Variants in PUM1 observed in about 807,000 individuals in gnomAD.
PUM1 encodes pumilio homolog 1.
PUM1 carries 13 observed loss-of-function variants against 131.8 expected under a neutral mutation model. The ratio of observed to expected loss-of-function variants is 0.10; its 90% confidence interval spans 0.06 to 0.16. PUM1 has a LOEUF of 0.16. Ranked by LOEUF, PUM1 falls within the 10% of genes least tolerant of loss-of-function variation. PUM1 has a pLI of 1.00. For synonymous variants in PUM1, 509 were observed against 556.5 expected (o/e 0.91, Z 1.20); for missense variants, 961 against 1,512.4 (o/e 0.64, Z 6.05).
chr1:30,944,071 T>G lies in PUM1; in HGVS notation c.2994+1275A>C, dbSNP rs141676939. Among the ~76,000 whole-genome samples, 454 of 152,334 alleles carry G rather than the reference T, an allele frequency of 3.0e-3. 2 individuals are homozygous for G. The highest frequency in any genetic ancestry group is 0.01 in the African/African-American group (424 of 41,576). ...TTATCGTTTTATCTTTTTTGTTGTA[T>G]AATTCCATAAATGTAACATCTTAAT... On this transcript the variant is annotated intron_variant, in intron 18 of 21. Transcript: ENST00000426105.
intron 2 of PUM1, among the ~76,000 whole-genome samples, chr1:31,043,581 T>G (rs1266257837): frequency 2.0e-5 from 3 of 152,244 alleles, no homozygotes; most frequent in African/African-American, 7.2e-5. Flanking sequence ...ACTGTCCCCT[T>G]GTTAAAATTC....
chr1:31,031,345 T>G (rs1480181885), intron 2 of PUM1, among the ~76,000 whole-genome samples: 1 of 152,214 alleles, frequency 6.6e-6, no homozygotes, highest in Non-Finnish European at 1.5e-5. Flanking sequence ...AAATTCTATT[T>G]ATATGTCCCA....
intron 2 of PUM1, among the ~76,000 whole-genome samples, chr1:31,034,408 G>A (rs1165914606): frequency 1.3e-5 from 2 of 152,182 alleles, no homozygotes; most frequent in Admixed American, 6.5e-5. Context: ...GGAGGCTGAG[G>A]TGGACAGTTT....
At chr1:31,021,537 AC>A (rs1405233454) in intron 3 of PUM1, among the ~76,000 whole-genome samples, 2 of 152,130 alleles carry the variant, frequency 1.3e-5, no homozygotes, top group African/African-American at 4.8e-5. Flanking sequence ...CCCTCAACAA[AC>A]TTTTGTATGA....
intron 3 of PUM1, among the ~76,000 whole-genome samples, chr1:31,018,290 A>T (rs1642895255): frequency 6.6e-6 from 1 of 152,022 alleles, no homozygotes; most frequent in Non-Finnish European, 1.5e-5. Flanking sequence ...TGGAGGTTGC[A>T]GTGAGCCGAG....
chr1:31,027,353 G>T (rs576989602), intron 3 of PUM1, among the ~76,000 whole-genome samples: 1 of 152,196 alleles, frequency 6.6e-6, no homozygotes, highest in African/African-American at 2.4e-5. Context: ...AATTATAGGA[G>T]TAAGAAAGAC....
At chr1:31,042,711 A>G (rs1314658911) in intron 2 of PUM1, among the ~76,000 whole-genome samples, 1 of 152,242 alleles carries the variant, frequency 6.6e-6, no homozygotes, top group Non-Finnish European at 1.5e-5. Context: ...ACTTTGCAGT[A>G]CTTTCTTCCA....
chr1:30,976,182 A>T (rs984427109), intron 9 of PUM1, among the ~76,000 whole-genome samples: 4 of 152,200 alleles, frequency 2.6e-5, no homozygotes, highest in African/African-American at 9.7e-5. Flanking sequence ...CGGCCACATA[A>T]AGTACACAAC....
intron 14 of PUM1, among the ~76,000 whole-genome samples, chr1:30,961,863 A>G (rs1640422043): frequency 6.6e-6 from 1 of 152,226 alleles, no homozygotes; most frequent in Admixed American, 6.5e-5. Flanking sequence ...CAACACAATG[A>G]ATATAAAATG....
intron 2 of PUM1, among the ~76,000 whole-genome samples, chr1:31,038,984 A>ATATATATATATATATTTTTTTTTG: frequency 2.0e-5 from 1 of 49,422 alleles, no homozygotes; most frequent in African/African-American, 2.1e-4. Context: ...ATATATATAT[A>ATATATATATATATATTTTTTTTTG]TTTTTTTTTT....
At chr1:30,999,944 T>G (rs543781684) in intron 5 of PUM1, among the ~76,000 whole-genome samples, 1 of 152,220 alleles carries the variant, frequency 6.6e-6, no homozygotes, top group South Asian at 2.1e-4. Context: ...ACGGCCAATA[T>G]GGCCCTCCCA....
chr1:31,003,378 G>C (rs1642284527), intron 5 of PUM1, among the ~76,000 whole-genome samples: 1 of 152,216 alleles, frequency 6.6e-6, no homozygotes, highest in South Asian at 2.1e-4. Flanking sequence ...CACAAAAAGA[G>C]CTTTGGTCAG....
intron 14 of PUM1, among the ~76,000 whole-genome samples, chr1:30,962,181 G>T (rs767903829): frequency 2.6e-5 from 4 of 152,140 alleles, no homozygotes; most frequent in Non-Finnish European, 5.9e-5. Context: ...TGAACAAGGT[G>T]AATGTTTCCA....
At chr1:31,049,823 C>CTTTTTTTTTT (rs773718125) in intron 2 of PUM1, among the ~76,000 whole-genome samples, 1 of 79,970 alleles carries the variant, frequency 1.3e-5, no homozygotes, top group Non-Finnish European at 2.2e-5. Flanking sequence ...ACTGAACTTC[C>CTTTTTTTTTT]TTTTTTTTTT....
chr1:30,933,900 T>G (rs114344811), intron 21 of PUM1, among the ~76,000 whole-genome samples: 80 of 152,294 alleles, frequency 5.3e-4, no homozygotes, highest in African/African-American at 1.8e-3. Flanking sequence ...GGTGTGATTA[T>G]CCCCATCTTA....
chr1:31,049,505 G>A (rs1570354613), intron 2 of PUM1, among the ~76,000 whole-genome samples: 1 of 147,696 alleles, frequency 6.8e-6, no homozygotes, highest in East Asian at 2.1e-4. Context: ...AACAGAGCAA[G>A]ATTCCGTCTC....
chr1:30,995,739 A>G (rs1055108244), intron 5 of PUM1, among the ~76,000 whole-genome samples: 10 of 152,184 alleles, frequency 6.6e-5, no homozygotes, highest in Admixed American at 2.0e-4. Flanking sequence ...GTCTAACATC[A>G]TATCAACTCA....
intron 10 of PUM1, among the ~76,000 whole-genome samples, chr1:30,969,332 A>AAAAAAAG (rs1557560979): frequency 2.2e-5 from 3 of 135,224 alleles, no homozygotes; most frequent in Non-Finnish European, 3.2e-5. Context: ...AAAAAAAAAA[A>AAAAAAAG]AAAAGAAAAA....
At chr1:31,015,666 CT>C (rs1054580489) in intron 3 of PUM1, among the ~76,000 whole-genome samples, 2 of 141,238 alleles carry the variant, frequency 1.4e-5, no homozygotes, top group East Asian at 2.1e-4. Context: ...ATTTATTTTT[CT>C]TTTTTTTTCT....
Sources: gnomAD v4.1 joint callset for allele counts (sites outside exome capture counted in the v4.1 genomes callset) on GRCh38, gnomAD v4.1.1 for gene constraint, MANE v1.5 for transcripts, NCBI Gene and HGNC (gene_info 2026-07-23, HGNC 2026-07-21) for gene names.